CUX1: variants seen among roughly 807,000 people sequenced by gnomAD.
The protein encoded by CUX1 is cut like homeobox 1, also known as protein CASP.
In CUX1, 31 loss-of-function variants were observed where a neutral mutation model predicts 158.8. The observed-to-expected ratio is 0.20, with a 90% confidence interval of 0.15 to 0.26. CUX1 has a LOEUF of 0.26. Ranked by LOEUF, CUX1 falls within the 10% of genes least tolerant of loss-of-function variation. The pLI is 1.00. For missense variants in CUX1, 1,589 were observed against 2,014.6 expected (o/e 0.79, Z 4.04); for synonymous variants, 879 against 862.1 (o/e 1.02, Z -0.34).
rs1790029552 is a variant in CUX1 at position 102,257,556 on chromosome 7, A to G, written c.*8514A>G. 2 of 985,336 alleles carry G rather than the reference A, an allele frequency of 2.0e-6. No homozygotes were observed. The highest frequency in any genetic ancestry group is 4.7e-5 in the South Asian group (1 of 21,298). The allele number at this position is 985,336 out of a possible 1,614,324, so 61.0% of individuals were successfully genotyped here. On this transcript the variant is annotated 3_prime_UTR_variant, in exon 24 of 24. Coordinates refer to ENST00000292535, the MANE Select transcript of CUX1 (RefSeq NM_181552.4). Reference sequence around the variant, plus strand: ...TTCCCCACATCCCTTTGCATTGAATAAGAGACCTAGTTCTTTGCGTTTGTG... The same window carrying G: ...TTCCCCACATCCCTTTGCATTGAATGAGAGACCTAGTTCTTTGCGTTTGTG...
At position 102,251,635 on chromosome 7, in the gene CUX1, G is replaced by C. The variant is rs1554540140; in HGVS notation, c.*2593G>C. ...CGGGTCAACATCTAGCTCGATTCAG[G>C]TGCATTGAGAAGAGTGAGTTCACAT... On this transcript the variant is annotated 3_prime_UTR_variant, in exon 24 of 24. Transcript: ENST00000292535. The C allele has an allele frequency of 1.0e-6, 1 of 985,282 alleles. No individual in the cohort carries two copies. Among genetic ancestry groups the C allele is most frequent in the African/African-American group, 1.7e-5 (1 of 57,198 alleles). 61.0% of individuals were successfully genotyped at this position (985,282 alleles called of 1,614,324 possible). A position where few individuals can be genotyped will look rare whatever the true frequency, so the allele number is the denominator to read the frequency against.
At chr7:102,267,876 C>G (rs1458166498) in intron 14 of CUX1, among the ~76,000 whole-genome samples, 1 of 152,090 alleles carries the variant, frequency 6.6e-6, no homozygotes, top group Non-Finnish European at 1.5e-5. Flanking sequence ...CCATGTTGCC[C>G]GTGCTGGTCT....
In CUX1 at chr7:102,075,867, C is replaced by T. The variant is rs1414789447; in HGVS notation, c.268+5450C>T. Among the ~76,000 whole-genome samples, 8 of 152,220 alleles carry T rather than the reference C, an allele frequency of 5.3e-5. No homozygotes were observed. In the East Asian group the frequency reaches 1.5e-3, roughly 29 times the overall value. On this transcript the variant is annotated intron_variant, in intron 4 of 23. Transcript: ENST00000292535. ...TAGCATTCGGAGTTGCCCAAACCAG[C>T]ACATGTGCATCTGAGGACTTCGGCT... is the stretch of plus-strand genomic sequence containing the variant.
intron 22 of CUX1, among the ~76,000 whole-genome samples, chr7:102,237,284 A>G (rs1219689819): frequency 6.6e-6 from 1 of 151,966 alleles, no homozygotes; most frequent in African/African-American, 2.4e-5. Flanking sequence ...GAGGGCAGTG[A>G]TGCAATCATA....
chr7:101,873,178 CTTT>C (rs35246188), intron 1 of CUX1, among the ~76,000 whole-genome samples: 1 of 119,706 alleles, frequency 8.4e-6, no homozygotes, highest in Non-Finnish European at 1.7e-5. Flanking sequence ...GCCTCAGCTT[CTTT>C]TTTTTTTTTT....
intron 2 of CUX1, among the ~76,000 whole-genome samples, chr7:102,026,966 A>G (rs189511488): frequency 6.6e-6 from 1 of 152,294 alleles, no homozygotes; most frequent in East Asian, 1.9e-4. Flanking sequence ...CAAGATCATA[A>G]GCATGCACCT....
chr7:101,998,781 G>A (rs202151), intron 2 of CUX1, among the ~76,000 whole-genome samples: 24,029 of 152,064 alleles, frequency 0.16, 2,382 homozygotes, highest in East Asian at 0.33. Flanking sequence ...TGCTGTGTTG[G>A]GCAGGAAGCC....
intron 2 of CUX1, among the ~76,000 whole-genome samples, 165 bp from the exon 3 acceptor site, chr7:102,027,933 C>T (rs113297221): frequency 9.9e-5 from 15 of 152,282 alleles, no homozygotes; most frequent in African/African-American, 2.9e-4. Context: ...CGCCAGTTGG[C>T]GTTATTGATG....
chr7:102,153,515 G>GCTAA (rs1430075475), intron 8 of CUX1: 1 of 152,270 alleles, frequency 6.6e-6, no homozygotes, highest in Non-Finnish European at 1.5e-5. Context: ...AAGAGTCAAG[G>GCTAA]CTAAGTAAGC....
At chr7:101,890,673 T>C (rs1434863986) in intron 1 of CUX1, among the ~76,000 whole-genome samples, 2 of 152,184 alleles carry the variant, frequency 1.3e-5, no homozygotes, top group Admixed American at 1.3e-4. Flanking sequence ...GCAGCTTGTT[T>C]CTGCTTGCGT....
At chr7:102,280,514 C>T (rs1352195903) in intron 19 of CUX1, among the ~76,000 whole-genome samples, 8 of 152,226 alleles carry the variant, frequency 5.3e-5, no homozygotes, top group African/African-American at 1.9e-4. Context: ...CCACAACTCC[C>T]CTCCCCCACC....
In CUX1 at chr7:102,158,582, A is replaced by C; in HGVS notation, c.697A>C (p.Met233Leu). ...TAKADEIEMI[M>L]TDLERANQRA... Reference sequence around the variant, plus strand: ...TAGGGCCGACGAGATTGAAATGATCATGACGGACCTTGAAAGGGCAAACCA... The same window carrying C: ...TAGGGCCGACGAGATTGAAATGATCCTGACGGACCTTGAAAGGGCAAACCA... Residue 233 changes from methionine (M) to leucine (L), a missense_variant, in exon 9 of 24, where the codon ATG becomes CTG. This residue lies in a region of CUX1 where 515 missense variants were observed against 574.4 expected (regional missense o/e 0.90). Transcript: ENST00000292535. The C allele has an allele frequency of 6.2e-7, 1 of 1,613,912 alleles. No individual in the cohort carries two copies. The highest frequency in any genetic ancestry group is 8.5e-7 in the Non-Finnish European group (1 of 1,179,942).
intron 2 of CUX1, among the ~76,000 whole-genome samples, chr7:101,952,571 T>A (rs1333403957): frequency 6.6e-6 from 1 of 152,196 alleles, no homozygotes; most frequent in African/African-American, 2.4e-5. Flanking sequence ...TGGCCCTTTG[T>A]CATCTGGTCT....
intron 2 of CUX1, among the ~76,000 whole-genome samples, chr7:101,919,143 G>A (rs1050374138): frequency 5.9e-5 from 9 of 152,186 alleles, no homozygotes; most frequent in Non-Finnish European, 1.2e-4. Context: ...GGCTGTGGCC[G>A]GAGTGTGCTG....
rs782031337 is a variant in CUX1, at chr7:102,201,734, G to C, written c.2437G>C (p.Glu813Gln). ...AGGGGTCCTGAGACAGGTGAAAAAT[G>C]AGGTGGGCCGCAGCGGTGCCTGGAA... ...AQGVLRQVKN[E>Q]VGRSGAWKDH... The change falls in exon 18 of 24, where the codon GAG (glutamate) becomes CAG (glutamine). Residue 813 changes from glutamate (E) to glutamine (Q), a missense_variant. Glu to Gln is a conservative substitution (Grantham distance 29). This residue lies in a region of CUX1 where 337 missense variants were observed against 409.3 expected (regional missense o/e 0.82). Coordinates refer to ENST00000292535, the MANE Select transcript of CUX1 (RefSeq NM_181552.4). The surrounding 1 kb of genome is among the most constrained non-coding windows in gnomAD (Gnocchi z 5.0). 7 of 1,612,566 alleles carry C rather than the reference G, an allele frequency of 4.3e-6. No homozygotes were observed. Among genetic ancestry groups the C allele is most frequent in the Non-Finnish European group, 5.9e-6 (7 of 1,179,930 alleles).
At position 102,140,631 on chromosome 7, in the gene CUX1, G is replaced by A. The variant is rs140672415; in HGVS notation, c.675-17929G>A. Among the ~76,000 whole-genome samples the A allele has an allele frequency of 9.4e-3, 1,420 of 151,546 alleles. 10 individuals carry two copies. The highest frequency in any genetic ancestry group is 0.015 in the Admixed American group (222 of 15,262). ...TCCCAGCACTTTGGGAGGCCGAGGCGGGAGAATCACTTGAGGTCAGGAGTT... is the reference window on the plus strand; with the variant it reads ...TCCCAGCACTTTGGGAGGCCGAGGCAGGAGAATCACTTGAGGTCAGGAGTT... On this transcript the variant is annotated intron_variant, in intron 8 of 23. Transcript: ENST00000292535.
chr7:102,043,323 CTGTGTGTGTGTGTGTG>C (rs57276921), intron 3 of CUX1, among the ~76,000 whole-genome samples: 39 of 139,154 alleles, frequency 2.8e-4, no homozygotes, highest in South Asian at 1.5e-3. Flanking sequence ...CATTAGCTCA[CTGTGTGTGTGTGTGTG>C]TGTGTGTGTG....
intron 11 of CUX1, among the ~76,000 whole-genome samples, chr7:102,180,885 T>G (rs1792979454): frequency 6.7e-6 from 1 of 150,358 alleles, no homozygotes; most frequent in African/African-American, 2.4e-5. Context: ...AGCCAGGTCG[T>G]TTTTTTTAAA....
chr7:102,034,180 A>G (rs1821148049), intron 3 of CUX1, among the ~76,000 whole-genome samples: 1 of 134,468 alleles, frequency 7.4e-6, no homozygotes, highest in Non-Finnish European at 1.6e-5. Flanking sequence ...CAGTCTTATT[A>G]TTGAATAAAT....
Sources: allele counts gnomAD v4.1 joint callset (sites outside exome capture counted in the v4.1 genomes callset), GRCh38; gene constraint gnomAD v4.1.1; regional missense constraint gnomAD v4.1.1; non-coding constraint Gnocchi (gnomAD v3.1); transcripts MANE v1.5; gene names NCBI Gene and HGNC (gene_info 2026-07-23, HGNC 2026-07-21).